TMEM255B: variants seen among roughly 807,000 people sequenced by gnomAD.
TMEM255B encodes family with sequence similarity 70, member B.
Under a neutral mutation model 34.5 loss-of-function variants are expected in TMEM255B, and 35 were observed. The ratio of observed to expected loss-of-function variants is 1.01; its 90% CI spans 0.77 to 1.34. The LOEUF (loss-of-function observed/expected upper bound fraction) is 1.34, where lower values mean the gene tolerates loss of function less well. TMEM255B is among the 40% of genes most tolerant of loss of function. The probability of loss-of-function intolerance (pLI) is 0.00; values close to 1 mark genes in which losing one functional copy is unlikely to be tolerated. For missense variants in TMEM255B, 432 were observed against 433.2 expected, an observed-to-expected ratio of 1.00 and a Z score of 0.02; for synonymous variants, 206 against 201.2, an observed-to-expected ratio of 1.02 and a Z score of -0.20.
At chr13:113,779,725 A>G (rs2031108022) in intron 3 of TMEM255B, among the ~76,000 whole-genome samples, 2 of 152,234 alleles carry the variant, frequency 1.3e-5, no homozygotes, top group African/African-American at 4.8e-5. Flanking sequence ...CAGTTAGAAA[A>G]GTGGGGAAAA....
chr13:113,807,331 G>A (rs941459779), intron 8 of TMEM255B, among the ~76,000 whole-genome samples: 3 of 151,040 alleles, frequency 2.0e-5, no homozygotes, highest in Non-Finnish European at 4.4e-5. Context: ...GCAGGCTTAC[G>A]GGATGTGGGG....
At position 113,766,127 on chromosome 13, in the gene TMEM255B, G is replaced by A; in HGVS notation, c.59G>A (p.Arg20Lys). The A allele has an allele frequency of 3.1e-6, 5 of 1,614,184 alleles. No homozygotes were observed. Among genetic ancestry groups the A allele is most frequent in the Non-Finnish European group, 4.2e-6 (5 of 1,180,040 alleles). The change falls in exon 2 of 9, where the codon AGG (arginine) becomes AAG (lysine). Residue 20 changes from arginine (R) to lysine (K), a missense_variant. Arg to Lys is a conservative substitution (Grantham distance 26). Transcript: ENST00000375353. Reference sequence around the variant, plus strand: ...TTCCTCCCCACAGAAGGGCTTTCGAGGAGGAAGAAGACGTCGCTCTGGTTT... The same window carrying A: ...TTCCTCCCCACAGAAGGGCTTTCGAAGAGGAAGAAGACGTCGCTCTGGTTT... Reference protein sequence around the residue: ...GLLDPAEGLSRRKKTSLWFVG... With the variant: ...GLLDPAEGLSKRKKTSLWFVG...
intron 3 of TMEM255B, 149 bp from the exon 4 acceptor site, chr13:113,794,999 G>A (rs2050895136): frequency 2.8e-6 from 2 of 706,120 alleles, no homozygotes; most frequent in Admixed American, 2.2e-5. Flanking sequence ...GGCCTGGCCA[G>A]GGCTGGAAGT....
At chr13:113,775,847 G>C (rs1211572218) in intron 3 of TMEM255B, among the ~76,000 whole-genome samples, 2 of 152,218 alleles carry the variant, frequency 1.3e-5, no homozygotes, top group African/African-American at 2.4e-5. Flanking sequence ...GCACTGGGGG[G>C]TGTTTCTCAG....
chr13:113,799,216 A>G, intron 4 of TMEM255B, 123 bp from the exon 5 acceptor site: 1 of 811,158 alleles, frequency 1.2e-6, no homozygotes, highest in East Asian at 2.7e-5. Flanking sequence ...TGGGAGGCTC[A>G]AGTTGGTGTT....
In TMEM255B at chr13:113,806,746, C is replaced by T. The variant is rs2051179349; in HGVS notation, c.813+1718C>T. ...GGACCGTGCCCCCAGGGCCACAGCC[C>T]TGTCCTGGGGGCTTCTCTCTGGCCT... On this transcript the variant is annotated intron_variant, in intron 8 of 8. Transcript: ENST00000375353. This position sits in a 1 kb window ranked among gnomAD's most constrained non-coding sequence, Gnocchi z 4.2. Among the ~76,000 whole-genome samples the T allele has an allele frequency of 6.6e-6, 1 of 151,998 alleles. No individual in the cohort carries two copies. Among genetic ancestry groups the T allele is most frequent in the South Asian group, 2.1e-4 (1 of 4,830 alleles).
chr13:113,769,446 A>G lies in TMEM255B; in HGVS notation c.252+286A>G. The stretch of plus-strand genomic sequence containing the variant: ...GCCTGGGAAGCTCAGAGAATGCATG[A>G]AGTTTGGGACGGGGGTGGCAAATTA... On this transcript the variant is annotated intron_variant, in intron 3 of 8. Coordinates refer to ENST00000375353, the MANE Select transcript of TMEM255B (RefSeq NM_182614.4). The surrounding 1 kb of genome is among the most constrained non-coding windows in gnomAD (Gnocchi z 4.2). The G allele has an allele frequency of 2.5e-6, 1 of 398,660 alleles. No homozygotes were observed. The highest frequency in any genetic ancestry group is 3.8e-5 in the South Asian group (1 of 26,276). 24.7% of individuals were successfully genotyped at this position (398,660 alleles called of 1,614,324 possible). A position where few individuals can be genotyped will look rare whatever the true frequency, so the allele number is the denominator to read the frequency against.
intron 1 of TMEM255B, among the ~76,000 whole-genome samples, chr13:113,765,839 A>G (rs1238633387): frequency 1.3e-5 from 2 of 152,238 alleles, no homozygotes; most frequent in African/African-American, 4.8e-5. Flanking sequence ...GCCAATAGGA[A>G]GGAGTCCTTT....
chr13:113,795,081 A>T, intron 3 of TMEM255B, 67 bp from the exon 4 acceptor site: 1 of 1,467,034 alleles, frequency 6.8e-7, no homozygotes, highest in Non-Finnish European at 9.5e-7. Flanking sequence ...TGGGACTTTG[A>T]ATTGGTTTGC....
intron 1 of TMEM255B, among the ~76,000 whole-genome samples, chr13:113,762,840 C>G (rs2050330583): frequency 6.6e-6 from 1 of 152,228 alleles, no homozygotes; most frequent in African/African-American, 2.4e-5. Flanking sequence ...GCTGAGTCAT[C>G]TGGTTAACTA....
intron 7 of TMEM255B, chr13:113,803,149 G>T (rs535146132): frequency 2.0e-5 from 3 of 147,610 alleles, no homozygotes; most frequent in Non-Finnish European, 4.5e-5. Context: ...GAAGGGGCTC[G>T]TGTGTTCATT....
Position 113,786,541 on chromosome 13 carries a change from T to C in TMEM255B, c.253-8607T>C, listed in dbSNP as rs74357734. On this transcript the variant is annotated intron_variant, in intron 3 of 8. Coordinates refer to ENST00000375353, the MANE Select transcript of TMEM255B (RefSeq NM_182614.4). ...CCATTGTCACCACTGTCATCACCAT[T>C]GTCACCATCGTCAACATCATCACCG... is the stretch of plus-strand genomic sequence containing the variant. Among the ~76,000 whole-genome samples, 105 of 54,062 alleles carry C rather than the reference T, an allele frequency of 1.9e-3. No individual in the cohort carries two copies. The East Asian group carries it at 0.093, about 48-fold the overall frequency. 35.5% of individuals were successfully genotyped at this position (54,062 alleles called of 152,430 possible).
At chr13:113,800,733 C>A in intron 5 of TMEM255B, 94 bp from the exon 6 acceptor site, 2 of 1,222,612 alleles carry the variant, frequency 1.6e-6, no homozygotes, top group South Asian at 1.4e-5. Context: ...GCCTCAGTGG[C>A]CGCTCCCAGC....
At chr13:113,811,564 T>C (rs979273728) in intron 8 of TMEM255B, among the ~76,000 whole-genome samples, 172 bp from the exon 9 acceptor site, 4 of 124,158 alleles carry the variant, frequency 3.2e-5, no homozygotes, top group Non-Finnish European at 1.7e-5. Context: ...CCTGTGTGAA[T>C]AGCCCTGGGT....
At chr13:113,794,717 T>TGGCTCCA (rs1555366614) in intron 3 of TMEM255B, among the ~76,000 whole-genome samples, 1 of 152,220 alleles carries the variant, frequency 6.6e-6, no homozygotes, top group Non-Finnish European at 1.5e-5. Context: ...AAACCATTCC[T>TGGCTCCA]GGCTCCAAGC....
chr13:113,788,526 G>A (rs1012603169), intron 3 of TMEM255B, among the ~76,000 whole-genome samples: 1 of 152,024 alleles, frequency 6.6e-6, no homozygotes, highest in Non-Finnish European at 1.5e-5. Context: ...TCGGCTGGTG[G>A]CTCCCTGTGT....
chr13:113,760,061 G>A (rs983194731), intron 1 of TMEM255B, among the ~76,000 whole-genome samples: 20 of 152,142 alleles, frequency 1.3e-4, no homozygotes, highest in African/African-American at 4.3e-4. Flanking sequence ...GAACAAAAGA[G>A]AAACAGAGTT....
chr13:113,805,526 C>G (rs1002603680), intron 8 of TMEM255B, among the ~76,000 whole-genome samples: 10 of 152,252 alleles, frequency 6.6e-5, no homozygotes, highest in Non-Finnish European at 1.0e-4. Context: ...ACAGTGGCCC[C>G]TGCCTGCCTG....
chr13:113,811,878 A>G lies in TMEM255B; in HGVS notation c.956A>G (p.Glu319Gly), dbSNP rs758462841. 1.2e-6 allele frequency: 2 copies of G among 1,612,504 alleles called. No homozygotes were observed. The highest frequency in any genetic ancestry group is 3.3e-5 in the Admixed American group (2 of 59,906). ...CYAPTYFPPG[E>G]KPPPYAP ...GCACCCACCTACTTTCCCCCGGGGG[A>G]GAAGCCACCCCCCTACGCACCCTGA... is the stretch of plus-strand genomic sequence containing the variant. The change falls in exon 9 of 9, where the codon GAG (glutamate) becomes GGG (glycine). Residue 319 changes from glutamate (E) to glycine (G), a missense_variant. Coordinates refer to ENST00000375353, the MANE Select transcript of TMEM255B (RefSeq NM_182614.4).
Sources: allele counts gnomAD v4.1 joint callset (sites outside exome capture counted in the v4.1 genomes callset), GRCh38; gene constraint gnomAD v4.1.1; non-coding constraint Gnocchi (gnomAD v3.1); transcripts MANE v1.5; gene names NCBI Gene and HGNC (gene_info 2026-07-23, HGNC 2026-07-21).